ZSWIM9: variants seen among roughly 807,000 people sequenced by gnomAD.
ZSWIM9 encodes zinc finger SWIM-type containing 9, also known as uncharacterized protein ZSWIM9.
ZSWIM9 carries 11 observed loss-of-function variants against 25.0 expected under a neutral mutation model. The ratio of observed to expected loss-of-function variants is 0.44; its 90% CI spans 0.28 to 0.73. ZSWIM9 has a LOEUF of 0.73. ZSWIM9 is among the 30% of genes least tolerant of loss of function. The probability of loss-of-function intolerance (pLI) is 0.16; values close to 1 mark genes in which losing one functional copy is unlikely to be tolerated. For missense variants in ZSWIM9, 1,070 were observed against 1,296.5 expected (o/e 0.83, Z 2.68); for synonymous variants, 562 against 582.1 (o/e 0.97, Z 0.50).
At chr19:48,186,247 A>ACC (rs201381620) in intron 3 of ZSWIM9, among the ~76,000 whole-genome samples, 1 of 143,514 alleles carries the variant, frequency 7.0e-6, no homozygotes, top group African/African-American at 2.9e-5. Context: ...CTGCCCCGCC[A>ACC]CCCCCCACCC....
intron 3 of ZSWIM9, among the ~76,000 whole-genome samples, chr19:48,189,746 TAGA>T (rs1171783308): frequency 1.3e-5 from 2 of 152,116 alleles, no homozygotes; most frequent in African/African-American, 4.8e-5. Context: ...AAAGAAACTC[TAGA>T]AGAATACCAA....
chr19:48,173,104 C>A (rs75972737), intron 2 of ZSWIM9, among the ~76,000 whole-genome samples: 1 of 152,028 alleles, frequency 6.6e-6, no homozygotes, highest in South Asian at 2.1e-4. Flanking sequence ...CTAGTTGGAG[C>A]GATGGAGTTG....
intron 1 of ZSWIM9, among the ~76,000 whole-genome samples, chr19:48,170,923 G>C (rs1395607997): frequency 6.6e-6 from 1 of 151,928 alleles, no homozygotes; most frequent in African/African-American, 2.4e-5. Flanking sequence ...AGGACGAGGG[G>C]CCATGTCTAG....
intron 2 of ZSWIM9, among the ~76,000 whole-genome samples, chr19:48,180,508 T>C (rs928438487): frequency 2.6e-5 from 4 of 151,958 alleles, no homozygotes; most frequent in African/African-American, 9.7e-5. Context: ...CTCTCTGACT[T>C]TGATCCTCTT....
intron 2 of ZSWIM9, among the ~76,000 whole-genome samples, chr19:48,177,567 G>A (rs1487331058): frequency 1.3e-5 from 2 of 152,188 alleles, no homozygotes; most frequent in Admixed American, 1.3e-4. Flanking sequence ...GCACCAGTAG[G>A]TGGTTATGTG....
At chr19:48,171,099 T>C (rs3730837) in intron 1 of ZSWIM9, 27,248 of 327,416 alleles carry the variant, frequency 0.083, 1,383 homozygotes, top group Non-Finnish European at 0.1. Flanking sequence ...GAAGCGTGGA[T>C]AACTGCATGT....
chr19:48,195,426 G>A lies in ZSWIM9; in HGVS notation c.1362G>A (p.Leu454=). ...PEGPDGGGPW[L]EDEPGRGAQG... is the part of the protein sequence containing the mutation. ...GGCCCGATGGCGGGGGGCCTTGGCT[G>A]GAGGATGAGCCAGGGAGGGGAGCCC... Residue 454 remains leucine (L), a synonymous_variant, in exon 4 of 4, where the codon CTG becomes CTA. Transcript: ENST00000614654. The surrounding 1 kb of genome is among the most constrained non-coding windows in gnomAD (Gnocchi z 5.8). The A allele has an allele frequency of 6.9e-7, 1 of 1,448,850 alleles. No homozygotes were observed. The highest frequency in any genetic ancestry group is 1.4e-5 in the South Asian group (1 of 69,492). 89.7% of individuals were successfully genotyped at this position (1,448,850 alleles called of 1,614,324 possible). A position where few individuals can be genotyped will look rare whatever the true frequency, so the allele number is the denominator to read the frequency against.
At position 48,172,078 on chromosome 19, in the gene ZSWIM9, G is replaced by A; in HGVS notation, c.275+1G>A. ...GTGCGCCCAGCCGGCCCGCCGTGGG[G>A]TGCGTGAACCTGAGCCGCTGTCCTG... is the stretch of plus-strand genomic sequence containing the variant. On this transcript the variant is annotated splice_donor_variant, in intron 2 of 3. Coordinates refer to ENST00000614654, the MANE Select transcript of ZSWIM9 (RefSeq NM_199341.4). LOFTEE classifies it high-confidence loss of function. The A allele has an allele frequency of 6.6e-7, 1 of 1,515,566 alleles. No homozygotes were observed. Among genetic ancestry groups the A allele is most frequent in the Non-Finnish European group, 8.8e-7 (1 of 1,132,350 alleles). 93.9% of individuals were successfully genotyped at this position (1,515,566 alleles called of 1,614,324 possible).
chr19:48,182,739 G>A lies in ZSWIM9; in HGVS notation c.560G>A (p.Gly187Asp), dbSNP rs1308311885. 1.3e-6 allele frequency: 2 copies of A among 1,534,296 alleles called. No individual in the cohort carries two copies. Among genetic ancestry groups the A allele is most frequent in the Non-Finnish European group, 1.7e-6 (2 of 1,145,664 alleles). The change falls in exon 3 of 4, where the codon GGC (glycine) becomes GAC (aspartate). Residue 187 changes from glycine to aspartate, a missense_variant. Gly to Asp is a moderately conservative substitution (Grantham distance 94, BLOSUM62 -1). Transcript: ENST00000614654. This position sits in a 1 kb window ranked among gnomAD's most constrained non-coding sequence, Gnocchi z 4.6. Reference protein sequence around the residue: ...GVLDALHVLEGLFRTDPEAKV... With the variant: ...GVLDALHVLEDLFRTDPEAKV... Reference sequence around the variant, plus strand: ...CTGGACGCCCTGCACGTGCTCGAGGGCCTCTTCCGCACCGACCCCGAGGCC... The same window carrying A: ...CTGGACGCCCTGCACGTGCTCGAGGACCTCTTCCGCACCGACCCCGAGGCC...
Position 48,182,486 on chromosome 19 carries a change from A to G in ZSWIM9, c.307A>G (p.Ile103Val), listed in dbSNP as rs1568576746. 8.5e-6 allele frequency: 13 copies of G among 1,535,032 alleles called. No homozygotes were observed. The highest frequency in any genetic ancestry group is 1.4e-5 in the African/African-American group (1 of 72,918). ...CCAGCCCGGCTGCCCCGCCTTCATC[A>G]TCGTCAAGCTGAGCCCGCTGCGGGA... ...PPQPGCPAFIIVKLSPLRDRL... is the reference protein window; with the variant it reads ...PPQPGCPAFIVVKLSPLRDRL... The change falls in exon 3 of 4, where the codon ATC (isoleucine) becomes GTC (valine). Residue 103 changes from isoleucine to valine, a missense_variant. This residue lies in a region of ZSWIM9 where 265 missense variants were observed against 339.0 expected (regional missense o/e 0.78). Transcript: ENST00000614654. This position sits in a 1 kb window ranked among gnomAD's most constrained non-coding sequence, Gnocchi z 4.6.
At chr19:48,187,554 A>G (rs1295982099) in intron 3 of ZSWIM9, 1 of 28,396 alleles carries the variant, frequency 3.5e-5, no homozygotes, top group South Asian at 1.1e-3. Context: ...TATATTATAT[A>G]TATTATATAT....
At chr19:48,170,918 G>T (rs2036787540) in intron 1 of ZSWIM9, among the ~76,000 whole-genome samples, 1 of 152,090 alleles carries the variant, frequency 6.6e-6, no homozygotes, top group African/African-American at 2.4e-5. Flanking sequence ...ATCCGAGGAC[G>T]AGGGGCCATG....
chr19:48,182,448 C>G lies in ZSWIM9; in HGVS notation c.276-7C>G. ...TGTGACCAGGGCGGTGGTGGTTCCT[C>G]CCACAGGCCTCCCCAGCCCGGCTGC... On this transcript the variant is annotated splice_polypyrimidine_tract_variant and splice_region_variant and intron_variant, in intron 2 of 3. Coordinates refer to ENST00000614654, the MANE Select transcript of ZSWIM9 (RefSeq NM_199341.4). The surrounding 1 kb of genome is among the most constrained non-coding windows in gnomAD (Gnocchi z 4.6). 6.5e-7 allele frequency: 1 copy of G among 1,530,296 alleles called. No individual in the cohort carries two copies. Among genetic ancestry groups the G allele is most frequent in the South Asian group, 1.2e-5 (1 of 83,574 alleles). 94.8% of individuals were successfully genotyped at this position (1,530,296 alleles called of 1,614,324 possible).
At position 48,182,558 on chromosome 19, in the gene ZSWIM9, T is replaced by C. The variant is rs2036961013; in HGVS notation, c.379T>C (p.Cys127Arg). ...CCAGCTGACCCACTCACACCCGGCC[T>C]GCCCGCTGGAGTTCGCCTACTACTT... The part of the protein sequence containing the change: ...ECQLTHSHPA[C>R]PLEFAYYFRP... The change falls in exon 3 of 4, where the codon TGC (cysteine) becomes CGC (arginine). Residue 127 changes from cysteine to arginine, a missense_variant. Transcript: ENST00000614654. The surrounding 1 kb of genome is among the most constrained non-coding windows in gnomAD (Gnocchi z 4.6). 6.5e-7 allele frequency: 1 copy of C among 1,535,750 alleles called. No individual in the cohort carries two copies. The highest frequency in any genetic ancestry group is 8.7e-7 in the Non-Finnish European group (1 of 1,146,674).
At chr19:48,190,806 T>C (rs2037084828) in intron 3 of ZSWIM9, among the ~76,000 whole-genome samples, 3 of 152,248 alleles carry the variant, frequency 2.0e-5, no homozygotes, top group African/African-American at 7.2e-5. Flanking sequence ...TAGTTTTTCA[T>C]GGCTCCCAGA....
chr19:48,183,974 T>G (rs1019259831), intron 3 of ZSWIM9, among the ~76,000 whole-genome samples: 2 of 151,094 alleles, frequency 1.3e-5, no homozygotes, highest in African/African-American at 4.9e-5. Flanking sequence ...TTAATTGAAC[T>G]GCACAAACAG....
At chr19:48,190,130 G>T (rs2123387457) in intron 3 of ZSWIM9, among the ~76,000 whole-genome samples, 1 of 151,888 alleles carries the variant, frequency 6.6e-6, no homozygotes, top group Middle Eastern at 3.4e-3. Context: ...TTAAACCTGG[G>T]GTGGCGGAGG....
At chr19:48,181,799 G>C (rs1302068316) in intron 2 of ZSWIM9, 1 of 152,142 alleles carries the variant, frequency 6.6e-6, no homozygotes, top group Non-Finnish European at 1.5e-5. Context: ...TTTCCTTAGG[G>C]TTTTAATTTG....
At chr19:48,188,367 C>T (rs1055667926) in intron 3 of ZSWIM9, among the ~76,000 whole-genome samples, 7 of 151,962 alleles carry the variant, frequency 4.6e-5, no homozygotes, top group Non-Finnish European at 8.8e-5. Flanking sequence ...GGACTACAGG[C>T]GTGCGCCACC....
Sources: gnomAD v4.1 joint callset for allele counts (sites outside exome capture counted in the v4.1 genomes callset) on GRCh38, gnomAD v4.1.1 for gene constraint, gnomAD v4.1.1 regional missense constraint, Gnocchi (gnomAD v3.1) non-coding constraint, MANE v1.5 for transcripts, NCBI Gene and HGNC (gene_info 2026-07-23, HGNC 2026-07-21) for gene names.